Variants in ANXA8 observed in about 807,000 individuals in gnomAD.
The protein encoded by ANXA8 is annexin A8, also known as VAC-beta.
Under a neutral mutation model 26.8 loss-of-function variants are expected in ANXA8, and 9 were observed. That is an observed-to-expected ratio of 0.34 (90% CI 0.20 to 0.59). The LOEUF (loss-of-function observed/expected upper bound fraction) is 0.59, where lower values mean the gene tolerates loss of function less well. Among genes scored for constraint, ANXA8 ranks in the 20% least tolerant of loss-of-function variants. The pLI is 0.84. For synonymous variants in ANXA8, 39 were observed against 94.8 expected (o/e 0.41, Z 3.42); for missense variants, 83 against 238.5 (o/e 0.35, Z 4.29).
chr10:47,762,186 C>T, the ANXA8 span, among the ~76,000 whole-genome samples: 1 of 151,446 alleles, frequency 6.6e-6, no homozygotes, highest in Non-Finnish European at 1.5e-5. Flanking sequence ...GGTGAGCACG[C>T]GCTTAGGGGA....
At chr10:47,497,198 T>A in the ANXA8 span, among the ~76,000 whole-genome samples, 2 of 141,212 alleles carry the variant, frequency 1.4e-5, no homozygotes, top group Non-Finnish European at 1.5e-5. Context: ...TGCATGCCTG[T>A]AATCCCAGCT....
At chr10:47,557,787 A>AC in the ANXA8 span, among the ~76,000 whole-genome samples, 2 of 146,276 alleles carry the variant, frequency 1.4e-5, no homozygotes, top group Non-Finnish European at 3.0e-5. Flanking sequence ...TAAAAAAAAA[A>AC]CAGTGACTCT....
At chr10:47,684,893 G>T in the ANXA8 span, among the ~76,000 whole-genome samples, 32,479 of 121,068 alleles carry the variant, frequency 0.27, 2,385 homozygotes, top group East Asian at 0.56. Flanking sequence ...GCCTGCGATT[G>T]TTTTTTTTAA....
the ANXA8 span, among the ~76,000 whole-genome samples, chr10:47,687,293 C>T: frequency 2.2e-4 from 32 of 148,558 alleles, 2 homozygotes; most frequent in Admixed American, 2.1e-3. Flanking sequence ...GACAGAGTCT[C>T]ACTCTGTCAC....
chr10:47,631,413 T>A, the ANXA8 span, among the ~76,000 whole-genome samples: 1 of 151,424 alleles, frequency 6.6e-6, no homozygotes, highest in Non-Finnish European at 1.5e-5. Flanking sequence ...CAAATTTAAA[T>A]CTTTGCACAG....
chr10:47,558,123 A>T, the ANXA8 span, among the ~76,000 whole-genome samples: 3 of 151,980 alleles, frequency 2.0e-5, no homozygotes, highest in Non-Finnish European at 2.9e-5. Context: ...ATACCAGTTA[A>T]CATAAAATAA....
At chr10:47,684,266 G>A in the ANXA8 span, among the ~76,000 whole-genome samples, 1 of 152,314 alleles carries the variant, frequency 6.6e-6, no homozygotes, top group African/African-American at 2.4e-5. Flanking sequence ...TACATATTTT[G>A]TTTCCCCCTG....
the ANXA8 span, among the ~76,000 whole-genome samples, chr10:47,498,225 C>T: frequency 2.0e-4 from 30 of 150,164 alleles, no homozygotes; most frequent in South Asian, 8.4e-4. Flanking sequence ...TCAGTCTGGA[C>T]GCTTCACATA....
the ANXA8 span, among the ~76,000 whole-genome samples, chr10:47,650,129 G>C: frequency 1.3e-5 from 2 of 148,392 alleles, no homozygotes; most frequent in Admixed American, 1.3e-4. Flanking sequence ...AATCTCTTGA[G>C]TCTGGGAGGT....
At chr10:47,655,543 C>A in the ANXA8 span, among the ~76,000 whole-genome samples, 2 of 151,274 alleles carry the variant, frequency 1.3e-5, no homozygotes, top group Admixed American at 6.6e-5. Flanking sequence ...ACAAATGAAA[C>A]CAGAAGGTGG....
the ANXA8 span, among the ~76,000 whole-genome samples, chr10:47,766,201 T>G: frequency 2.9e-4 from 32 of 108,554 alleles, no homozygotes; most frequent in Non-Finnish European, 5.2e-4. Flanking sequence ...CTCTTGCCAT[T>G]GGGATGAGCT....
At chr10:47,751,033 CT>C in the ANXA8 span, 1 of 147,300 alleles carries the variant, frequency 6.8e-6, no homozygotes, top group Non-Finnish European at 1.5e-5. Flanking sequence ...TTAAAAAAAT[CT>C]TTTTAACAGC....
chr10:47,576,695 T>C, the ANXA8 span, among the ~76,000 whole-genome samples: 53 of 150,702 alleles, frequency 3.5e-4, no homozygotes, highest in African/African-American at 1.3e-3. Context: ...AATTTCTGTA[T>C]TTTTTGGAGA....
chr10:47,743,303 T>TATACAC, the ANXA8 span, among the ~76,000 whole-genome samples: 20 of 53,942 alleles, frequency 3.7e-4, 2 homozygotes, highest in Non-Finnish European at 5.1e-4. Context: ...TACACATATA[T>TATACAC]ATATATATAC....
the ANXA8 span, among the ~76,000 whole-genome samples, chr10:47,554,610 T>C: frequency 6.6e-6 from 1 of 150,882 alleles, no homozygotes; most frequent in African/African-American, 2.5e-5. Flanking sequence ...TCCTCTAGTC[T>C]TGGAGGGTTT....
the ANXA8 span, among the ~76,000 whole-genome samples, chr10:47,555,977 T>C: frequency 2.6e-5 from 4 of 151,890 alleles, no homozygotes; most frequent in Non-Finnish European, 5.9e-5. Context: ...ATAAAACATT[T>C]TGAAGAAAGG....
the ANXA8 span, among the ~76,000 whole-genome samples, chr10:47,639,455 G>A: frequency 2.6e-5 from 4 of 152,406 alleles, no homozygotes; most frequent in Admixed American, 6.5e-5. Flanking sequence ...TGGGACTATA[G>A]GCGCCCGCCA....
chr10:47,973,899 T>G, the ANXA8 span, among the ~76,000 whole-genome samples: 1 of 151,130 alleles, frequency 6.6e-6, no homozygotes, highest in Non-Finnish European at 1.5e-5. Flanking sequence ...AGTCCAGGGC[T>G]TTTTGTTGTT....
At chr10:47,770,070 CAG>C in the ANXA8 span, among the ~76,000 whole-genome samples, 19 of 98,662 alleles carry the variant, frequency 1.9e-4, no homozygotes, top group Admixed American at 1.9e-3. Context: ...TGCCTGAACT[CAG>C]AGCAATAACT....
Sources: gnomAD v4.1 joint callset for allele counts (sites outside exome capture counted in the v4.1 genomes callset) on GRCh38, gnomAD v4.1.1 for gene constraint, MANE v1.5 for transcripts, NCBI Gene and HGNC (gene_info 2026-07-23, HGNC 2026-07-21) for gene names.